PHTF2: variants seen among roughly 807,000 people sequenced by gnomAD.
The protein encoded by PHTF2 is protein PHTF2.
A neutral mutation model predicts 101.2 loss-of-function variants in PHTF2; 60 were observed. That is an observed-to-expected ratio of 0.59 (90% confidence interval 0.48 to 0.73). The LOEUF is 0.73. Among genes scored for constraint, PHTF2 ranks in the 30% least tolerant of loss-of-function variants. The pLI, the probability that PHTF2 is intolerant of heterozygous loss-of-function variation, is 0.00. For missense variants in PHTF2, 747 were observed against 908.7 expected, an observed-to-expected ratio of 0.82 and a Z score of 2.29; for synonymous variants, 311 against 307.3, an observed-to-expected ratio of 1.01 and a Z score of -0.13.
At chr7:77,817,928 T>C (rs559233020) in intron 1 of PHTF2, among the ~76,000 whole-genome samples, 4 of 152,124 alleles carry the variant, frequency 2.6e-5, no homozygotes, top group African/African-American at 9.6e-5. Flanking sequence ...ACCAACATGG[T>C]GAACCCCCAT....
chr7:77,834,588 G>A (rs1230059616), intron 1 of PHTF2, among the ~76,000 whole-genome samples: 2 of 152,028 alleles, frequency 1.3e-5, no homozygotes, highest in East Asian at 1.9e-4. Flanking sequence ...CAGACTGCTC[G>A]GAGCTCTTTT....
chr7:77,864,128 A>T (rs528582296), intron 3 of PHTF2, among the ~76,000 whole-genome samples: 3 of 152,280 alleles, frequency 2.0e-5, no homozygotes, highest in South Asian at 2.1e-4. Context: ...GGGAGCCAAG[A>T]TGTAAACAAG....
chr7:77,883,285 T>C (rs1005911683), intron 3 of PHTF2, among the ~76,000 whole-genome samples: 3 of 152,184 alleles, frequency 2.0e-5, no homozygotes, highest in Non-Finnish European at 4.4e-5. Flanking sequence ...AGGTTATTCA[T>C]CATTCTAATG....
At chr7:77,939,450 C>T (rs753285134) in intron 13 of PHTF2, among the ~76,000 whole-genome samples, 3 of 151,762 alleles carry the variant, frequency 2.0e-5, no homozygotes, top group Non-Finnish European at 4.4e-5. Flanking sequence ...TACATCTCTA[C>T]AAAACCCAAA....
chr7:77,901,746 A>G lies in PHTF2; in HGVS notation c.287-16A>G. 1.4e-6 allele frequency: 2 copies of G among 1,438,874 alleles called. No individual in the cohort carries two copies. The highest frequency in any genetic ancestry group is 1.5e-5 in the South Asian group (1 of 64,768). The allele number at this position is 1,438,874 out of a possible 1,614,324, so 89.1% of individuals were successfully genotyped here. Reference sequence around the variant, plus strand: ...ATATATAAATATACTCTGTTGTCCTATTTTACTTTTTTCAGGGTCTGCATT... The same window carrying G: ...ATATATAAATATACTCTGTTGTCCTGTTTTACTTTTTTCAGGGTCTGCATT... On this transcript the variant is annotated splice_polypyrimidine_tract_variant and intron_variant, in intron 6 of 19. Coordinates refer to ENST00000416283, the Ensembl canonical transcript of PHTF2.
intron 3 of PHTF2, among the ~76,000 whole-genome samples, chr7:77,893,043 T>A (rs1245284445): frequency 6.6e-6 from 1 of 152,220 alleles, no homozygotes; most frequent in African/African-American, 2.4e-5. Flanking sequence ...CAATTAAGGA[T>A]TCCCTAGGGC....
At chr7:77,912,042 A>G (rs1554381833) in intron 9 of PHTF2, among the ~76,000 whole-genome samples, 2 of 152,146 alleles carry the variant, frequency 1.3e-5, no homozygotes, top group Non-Finnish European at 2.9e-5. Flanking sequence ...TCTACAACTG[A>G]TATTATGTGT....
At chr7:77,945,738 T>A (rs115800816) in intron 16 of PHTF2, among the ~76,000 whole-genome samples, 1 of 152,120 alleles carries the variant, frequency 6.6e-6, no homozygotes, top group East Asian at 1.9e-4. Flanking sequence ...AGTGGCCAAT[T>A]TTATAGAAAT....
At chr7:77,898,040 A>C (rs1249449583) in intron 5 of PHTF2, among the ~76,000 whole-genome samples, 1 of 150,112 alleles carries the variant, frequency 6.7e-6, no homozygotes, top group Non-Finnish European at 1.5e-5. Context: ...GCTACCTTAG[A>C]GGGAAAATTT....
intron 16 of PHTF2, among the ~76,000 whole-genome samples, chr7:77,949,107 CAT>C (rs144335460): frequency 0.089 from 13,599 of 152,072 alleles, 768 homozygotes; most frequent in South Asian, 0.18. Flanking sequence ...TTTACTTTAA[CAT>C]AGGAGTTAGA....
At chr7:77,860,555 A>G (rs1189019739) in intron 3 of PHTF2, among the ~76,000 whole-genome samples, 6 of 152,204 alleles carry the variant, frequency 3.9e-5, no homozygotes, top group African/African-American at 1.4e-4. Flanking sequence ...AATTGCTGTG[A>G]TGATTAAATG....
chr7:77,828,225 A>G (rs1461941602), intron 1 of PHTF2, among the ~76,000 whole-genome samples: 1 of 152,226 alleles, frequency 6.6e-6, no homozygotes, highest in East Asian at 1.9e-4. Flanking sequence ...TAAATGGATC[A>G]TATTTCATTA....
chr7:77,901,736 CTG>C (rs1390301900), intron 6 of PHTF2, 24 bp from the exon 6 acceptor site: 1 of 1,374,102 alleles, frequency 7.3e-7, no homozygotes, highest in Non-Finnish European at 9.7e-7. Flanking sequence ...TAAATATACT[CTG>C]TTGTCCTATT....
In PHTF2 at chr7:77,922,789, T is replaced by G; in HGVS notation, c.1119+11T>G. On this transcript the variant is annotated intron_variant, in intron 11 of 19. Coordinates refer to ENST00000416283, the Ensembl canonical transcript of PHTF2. ...CATTACCCTAATGAGGTATATACTT[T>G]GTCCTTAAGTGTATACATACGTATC... 1.3e-6 allele frequency: 2 copies of G among 1,526,310 alleles called. No individual in the cohort carries two copies. Among genetic ancestry groups the G allele is most frequent in the East Asian group, 2.3e-5 (1 of 42,990 alleles). The allele number at this position is 1,526,310 out of a possible 1,614,324, so 94.5% of individuals were successfully genotyped here. A position where few individuals can be genotyped will look rare whatever the true frequency, so the allele number is the denominator to read the frequency against.
intron 3 of PHTF2, among the ~76,000 whole-genome samples, chr7:77,863,775 CTGTTT>C (rs1481778053): frequency 7.2e-6 from 1 of 138,248 alleles, no homozygotes; most frequent in East Asian, 2.0e-4. Context: ...ACTGAGTTCC[CTGTTT>C]TGTTTTGTTT....
chr7:77,942,218 G>A (rs1431516918), intron 15 of PHTF2, among the ~76,000 whole-genome samples: 2 of 152,090 alleles, frequency 1.3e-5, no homozygotes, highest in African/African-American at 4.8e-5. Context: ...AAGTCTCCCT[G>A]CCAAGTATCT....
intron 1 of PHTF2, among the ~76,000 whole-genome samples, chr7:77,824,263 T>G (rs570241003): frequency 2.6e-4 from 40 of 151,866 alleles, no homozygotes; most frequent in South Asian, 4.2e-4. Flanking sequence ...TGGTTTGTTT[T>G]TTTTTTTTTT....
chr7:77,930,524 G>A (rs1175451346), intron 12 of PHTF2, among the ~76,000 whole-genome samples: 1 of 151,694 alleles, frequency 6.6e-6, no homozygotes, highest in Non-Finnish European at 1.5e-5. Flanking sequence ...ATCTAATCCT[G>A]TCAAACCAAG....
At chr7:77,879,237 C>T (rs1233817299) in intron 3 of PHTF2, among the ~76,000 whole-genome samples, 1 of 152,200 alleles carries the variant, frequency 6.6e-6, no homozygotes, top group Admixed American at 6.5e-5. Context: ...TTCTTAGAGG[C>T]AGATTCTACC....
Sources: gnomAD v4.1 joint callset for allele counts (sites outside exome capture counted in the v4.1 genomes callset) on GRCh38, gnomAD v4.1.1 for gene constraint, MANE v1.5 for transcripts, NCBI Gene and HGNC (gene_info 2026-07-23, HGNC 2026-07-21) for gene names.